The following KCTD10 variants were observed in gnomAD, a reference collection of about 807,000 sequenced individuals.
KCTD10 encodes the protein potassium channel tetramerization domain containing 10, also known as BTB/POZ domain-containing adapter for CUL3-mediated RhoA degradation protein 3.
A neutral mutation model predicts 34.6 loss-of-function variants in KCTD10; 13 were observed. The ratio of observed to expected loss-of-function variants is 0.38; its 90% CI spans 0.24 to 0.60. The LOEUF (loss-of-function observed/expected upper bound fraction) is 0.60, where lower values mean the gene tolerates loss of function less well. KCTD10 is among the 20% of genes least tolerant of loss of function. The pLI, the probability that KCTD10 is intolerant of heterozygous loss-of-function variation, is 0.66. For synonymous variants in KCTD10, 156 were observed against 168.8 expected (o/e 0.92, Z 0.59); for missense variants, 256 against 420.3 (o/e 0.61, Z 3.42).
At chr12:109,461,098 C>T (rs929307378) in intron 2 of KCTD10, among the ~76,000 whole-genome samples, 1 of 152,238 alleles carries the variant, frequency 6.6e-6, no homozygotes, top group South Asian at 2.1e-4. Flanking sequence ...CTCAAATATC[C>T]CTTACACAAG....
intron 3 of KCTD10, chr12:109,459,032 A>G (rs1156882674): frequency 6.6e-6 from 1 of 152,284 alleles, no homozygotes; most frequent in Non-Finnish European, 1.5e-5. Flanking sequence ...AAACCAAAAC[A>G]AAGACAGGAA....
In KCTD10 at chr12:109,457,772, C is replaced by G; in HGVS notation, c.475-90G>C. On this transcript the variant is annotated intron_variant, in intron 4 of 6. Coordinates refer to ENST00000228495, the MANE Select transcript of KCTD10 (RefSeq NM_031954.5). ...CTTCCCATAGGGCTGGGGCCCTGCC[C>G]TGCATCAGAAGAGGCAGACAAGCAT... 1.1e-5 allele frequency: 15 copies of G among 1,355,084 alleles called. 1 individual carries two copies. In the South Asian group the frequency reaches 1.8e-4, roughly 16 times the overall value. The allele number at this position is 1,355,084 out of a possible 1,614,324, so 83.9% of individuals were successfully genotyped here. A position where few individuals can be genotyped will look rare whatever the true frequency, so the allele number is the denominator to read the frequency against.
In KCTD10 at chr12:109,457,978, T is replaced by G; in HGVS notation, c.474+14A>C. 1 of 1,596,594 alleles carries G rather than the reference T, an allele frequency of 6.3e-7. No homozygotes were observed. The highest frequency in any genetic ancestry group is 1.1e-5 in the South Asian group (1 of 90,590). On this transcript the variant is annotated intron_variant, in intron 4 of 6. Transcript: ENST00000228495. The stretch of plus-strand genomic sequence containing the variant: ...GGTAGCAAAAGAAATTCCACAAGGG[T>G]GCCTCCAACATACCTTATTTGAAGT...
chr12:109,459,387 C>T (rs1873197688), intron 3 of KCTD10: 1 of 152,214 alleles, frequency 6.6e-6, no homozygotes, highest in South Asian at 2.1e-4. Context: ...TGAAACAGAA[C>T]CTCTGATGTG....
At chr12:109,453,714 C>A (rs1246512206) in intron 6 of KCTD10, among the ~76,000 whole-genome samples, 1 of 152,180 alleles carries the variant, frequency 6.6e-6, no homozygotes, top group Non-Finnish European at 1.5e-5. Flanking sequence ...AATAACCAAA[C>A]CCCCAGCTTT....
intron 2 of KCTD10, among the ~76,000 whole-genome samples, chr12:109,462,146 T>TAC (rs1226882646): frequency 6.6e-6 from 1 of 152,210 alleles, no homozygotes; most frequent in African/African-American, 2.4e-5. Context: ...CCCTACCCCT[T>TAC]ACCTGGCAGG....
intron 3 of KCTD10, chr12:109,458,823 C>T (rs1873165108): frequency 6.6e-6 from 1 of 152,240 alleles, no homozygotes; most frequent in South Asian, 2.1e-4. Context: ...TCAGGAACAC[C>T]ACCTGCTTCC....
At chr12:109,471,540 CAGA>C (rs1157641595) in intron 1 of KCTD10, among the ~76,000 whole-genome samples, 1 of 152,168 alleles carries the variant, frequency 6.6e-6, no homozygotes, top group Non-Finnish European at 1.5e-5. Flanking sequence ...AAAAGAGGTC[CAGA>C]AGAAGCAGTT....
At position 109,451,478 on chromosome 12, in the gene KCTD10, A is replaced by G. The variant is rs781194656; in HGVS notation, c.*117T>C. 5.1e-4 allele frequency: 496 copies of G among 978,914 alleles called. 1 individual carries two copies. The highest frequency in any genetic ancestry group is 6.6e-4 in the Non-Finnish European group (443 of 667,484). The allele number at this position is 978,914 out of a possible 1,614,324, so 60.6% of individuals were successfully genotyped here. On this transcript the variant is annotated 3_prime_UTR_variant, in exon 7 of 7. Coordinates refer to ENST00000228495, the MANE Select transcript of KCTD10 (RefSeq NM_031954.5). This position sits in a 1 kb window ranked among gnomAD's most constrained non-coding sequence, Gnocchi z 5.0. Reference sequence around the variant, plus strand: ...CAAAATAATCATCTGGCTTGTTACAAAAGTATCTCCAGGCTCCAAGGGAAG... The same window carrying G: ...CAAAATAATCATCTGGCTTGTTACAGAAGTATCTCCAGGCTCCAAGGGAAG...
At chr12:109,464,554 A>G (rs1873502762) in intron 2 of KCTD10, among the ~76,000 whole-genome samples, 1 of 152,248 alleles carries the variant, frequency 6.6e-6, no homozygotes, top group Non-Finnish European at 1.5e-5. Context: ...CCATTAAAAA[A>G]GCTCAGACAA....
chr12:109,457,474 G>A, intron 5 of KCTD10, 156 bp downstream of exon 5: 3 of 641,470 alleles, frequency 4.7e-6, no homozygotes, highest in Non-Finnish European at 8.5e-6. Context: ...ATAGCTCAGA[G>A]TTATACCCCT....
chr12:109,470,623 C>T, intron 1 of KCTD10: 6 of 983,752 alleles, frequency 6.1e-6, no homozygotes, highest in Non-Finnish European at 7.2e-6. Context: ...CCACGGCTGG[C>T]CCTACCATTC....
intron 1 of KCTD10, 112 bp downstream of exon 1, chr12:109,477,148 T>A: frequency 1.9e-6 from 2 of 1,046,188 alleles, no homozygotes; most frequent in Non-Finnish European, 1.3e-6. Context: ...CTCTCCACTA[T>A]CGTGACTGCC....
chr12:109,469,670 G>C lies in KCTD10; in HGVS notation c.62C>G (p.Thr21Ser). Residue 21 changes from threonine to serine, a missense_variant, in exon 2 of 7, where the codon ACC (threonine) becomes AGC (serine). Coordinates refer to ENST00000228495, the MANE Select transcript of KCTD10 (RefSeq NM_031954.5). ...SSAVPAAATR[T>S]TSFKGTSPSS... ...GGGGCTCGTGCCCTTGAAGGAAGTG[G>C]TGCGGGTAGCAGCCGCTGGCACCGC... 1.2e-6 allele frequency: 2 copies of C among 1,614,220 alleles called. No homozygotes were observed. The highest frequency in any genetic ancestry group is 1.7e-6 in the Non-Finnish European group (2 of 1,180,048).
intron 6 of KCTD10, among the ~76,000 whole-genome samples, chr12:109,455,709 A>G (rs35590455): frequency 0.17 from 25,786 of 152,236 alleles, 2,240 homozygotes; most frequent in African/African-American, 0.18. Context: ...CCAATTGCAG[A>G]GCCCCAAAAG....
At position 109,469,732 on chromosome 12, in the gene KCTD10, C is replaced by A. The variant is rs1275617768; in HGVS notation, c.4-4G>T. 1 of 1,614,034 alleles carries A rather than the reference C, an allele frequency of 6.2e-7. No individual in the cohort carries two copies. Among genetic ancestry groups the A allele is most frequent in the Admixed American group, 1.7e-5 (1 of 60,022 alleles). On this transcript the variant is annotated splice_region_variant and splice_polypyrimidine_tract_variant and intron_variant, in intron 1 of 6. Transcript: ENST00000228495. ...CACTTTCTCCTGACATCTCTTCCTG[C>A]CAGTGGAGAGGATACAGGGTCATGA...
At chr12:109,471,244 C>T (rs778953823) in intron 1 of KCTD10, 13 of 985,408 alleles carry the variant, frequency 1.3e-5, no homozygotes, top group African/African-American at 1.7e-5. Flanking sequence ...TAAAGGGAGG[C>T]AGCTTGCAAC....
chr12:109,461,518 G>A (rs564028160), intron 2 of KCTD10, among the ~76,000 whole-genome samples: 116 of 152,288 alleles, frequency 7.6e-4, no homozygotes, highest in Non-Finnish European at 1.5e-3. Flanking sequence ...ATTCTTGGGG[G>A]TGGGGGCCAG....
In KCTD10 at chr12:109,451,645, G is replaced by T. The variant is rs1174156681; in HGVS notation, c.892C>A (p.Arg298=). 6.2e-7 allele frequency: 1 copy of T among 1,612,226 alleles called. No individual in the cohort carries two copies. Among genetic ancestry groups the T allele is most frequent in the African/African-American group, 1.3e-5 (1 of 74,880 alleles). ...DEERERIERV[R]RIHIKRPDDR... The stretch of plus-strand genomic sequence containing the variant: ...TCAGGGCGCTTGATGTGGATCCTCC[G>T]CACGCGCTCGATCCGCTCCCGCTCC... The change falls in exon 7 of 7, where the codon CGG becomes AGG. Residue 298 remains arginine, a synonymous_variant. Transcript: ENST00000228495. This position sits in a 1 kb window ranked among gnomAD's most constrained non-coding sequence, Gnocchi z 5.0.
Sources: gnomAD v4.1 joint callset for allele counts (sites outside exome capture counted in the v4.1 genomes callset) on GRCh38, gnomAD v4.1.1 for gene constraint, Gnocchi (gnomAD v3.1) non-coding constraint, MANE v1.5 for transcripts, NCBI Gene and HGNC (gene_info 2026-07-23, HGNC 2026-07-21) for gene names.